The following DNAH11 variants were observed in gnomAD, a reference collection of about 807,000 sequenced individuals.
DNAH11 encodes dynein axonemal heavy chain 11.
In DNAH11, 442 loss-of-function variants were observed where a neutral mutation model predicts 526.0. The observed-to-expected ratio is 0.84, with a 90% CI of 0.78 to 0.91. The LOEUF (loss-of-function observed/expected upper bound fraction) is 0.91. DNAH11 is among the 40% of genes least tolerant of loss of function. The pLI is 0.00. For synonymous variants in DNAH11, 2,461 were observed against 1,935.9 expected (o/e 1.27, Z -7.12); for missense variants, 6,989 against 5,448.7 (o/e 1.28, Z -8.90).
intron 15 of DNAH11, 138 bp downstream of exon 15, chr7:21,600,257 C>A: frequency 2.8e-6 from 2 of 717,968 alleles, no homozygotes; most frequent in Non-Finnish European, 4.3e-6. Context: ...CCCAAGAGTT[C>A]AAGACCAGCC....
chr7:21,610,398 T>A (rs1426346833), intron 20 of DNAH11, among the ~76,000 whole-genome samples: 1 of 152,206 alleles, frequency 6.6e-6, no homozygotes, highest in Non-Finnish European at 1.5e-5. Flanking sequence ...TACAAGTATC[T>A]TCCTAGTAAC....
At chr7:21,632,316 C>T (rs189732941) in intron 25 of DNAH11, among the ~76,000 whole-genome samples, 126 of 152,344 alleles carry the variant, frequency 8.3e-4, no homozygotes, top group African/African-American at 2.8e-3. Flanking sequence ...TCCCCATTGC[C>T]TTGGAGATTA....
chr7:21,770,810 A>G (rs1787406337), intron 55 of DNAH11, among the ~76,000 whole-genome samples: 1 of 152,192 alleles, frequency 6.6e-6, no homozygotes. Flanking sequence ...AATCTAGCCC[A>G]GGTCCTAGGA....
rs772012052 is a variant in DNAH11 at position 21,681,530 on chromosome 7, A to C, written c.5329-16A>C. 3.1e-6 allele frequency: 5 copies of C among 1,611,408 alleles called. No homozygotes were observed. Among genetic ancestry groups the C allele is most frequent in the South Asian group, 1.1e-5 (1 of 90,584 alleles). On this transcript the variant is annotated splice_polypyrimidine_tract_variant and intron_variant, in intron 30 of 81. Coordinates refer to ENST00000409508, the MANE Select transcript of DNAH11 (RefSeq NM_001277115.2). ...TTGTAACCCTTCTCTCCTTTTTAAAAAATGATTCCTTCTAGATTTCTCAGC... is the reference window on the plus strand; with the variant it reads ...TTGTAACCCTTCTCTCCTTTTTAAACAATGATTCCTTCTAGATTTCTCAGC...
At chr7:21,698,564 C>A (rs77387627) in intron 36 of DNAH11, among the ~76,000 whole-genome samples, 14 of 152,082 alleles carry the variant, frequency 9.2e-5, no homozygotes, top group Non-Finnish European at 1.8e-4. Flanking sequence ...TGAGAACATA[C>A]GATATTTGGC....
chr7:21,668,087 C>A (rs1782490661), intron 30 of DNAH11, among the ~76,000 whole-genome samples: 1 of 152,202 alleles, frequency 6.6e-6, no homozygotes, highest in African/African-American at 2.4e-5. Context: ...AAAAACCACA[C>A]AAAGATAAAA....
At chr7:21,742,950 C>T (rs1265194875) in intron 49 of DNAH11, among the ~76,000 whole-genome samples, 1 of 152,218 alleles carries the variant, frequency 6.6e-6, no homozygotes, top group African/African-American at 2.4e-5. Context: ...GGCCTGGTCT[C>T]TGCTTCCAAA....
At chr7:21,573,990 C>G (rs117369374) in intron 8 of DNAH11, among the ~76,000 whole-genome samples, 1 of 152,084 alleles carries the variant, frequency 6.6e-6, no homozygotes, top group Non-Finnish European at 1.5e-5. Flanking sequence ...ATTGGCGTAC[C>G]GAAAGGTTTG....
intron 65 of DNAH11, among the ~76,000 whole-genome samples, chr7:21,828,735 T>C (rs59018856): frequency 0.15 from 22,451 of 149,938 alleles, 1,891 homozygotes; most frequent in East Asian, 0.31. Context: ...AATCTACTTA[T>C]GACTTTTTTT....
chr7:21,689,005 C>G (rs1021155587), intron 34 of DNAH11, among the ~76,000 whole-genome samples: 2 of 152,196 alleles, frequency 1.3e-5, no homozygotes, highest in African/African-American at 4.8e-5. Flanking sequence ...GCCTCTTGGA[C>G]TGTTTACCTG....
At position 21,588,095 on chromosome 7, in the gene DNAH11, A is replaced by G; in HGVS notation, c.1742A>G (p.Lys581Arg). The G allele has an allele frequency of 6.2e-7, 1 of 1,613,462 alleles. No homozygotes were observed. The highest frequency in any genetic ancestry group is 2.2e-5 in the East Asian group (1 of 44,814). The part of the protein sequence containing the change: ...LLTIFGNFLE[K>R]PVVMEIFSLH... ...ACCATATTTGGAAATTTTCTAGAGA[A>G]GCCAGTTGTCATGGAAATTTTCAGC... Residue 581 changes from lysine to arginine, a missense_variant, in exon 10 of 82, where the codon AAG becomes AGG. Lys to Arg is a conservative substitution (Grantham distance 26). Transcript: ENST00000409508.
chr7:21,637,699 C>A lies in DNAH11; in HGVS notation c.4814C>A (p.Ser1605Tyr). Reference sequence around the variant, plus strand: ...TATGAAAAACTTAAAGATTTACAGTCCAGGTAAGAATAAAGCTATATAAGA... The same window carrying A: ...TATGAAAAACTTAAAGATTTACAGTACAGGTAAGAATAAAGCTATATAAGA... ...NLYEKLKDLQSRLSLCEKALA... is the reference protein window; with the variant it reads ...NLYEKLKDLQYRLSLCEKALA... The change falls in exon 27 of 82, where the codon TCC becomes TAC. Residue 1605 changes from serine (S) to tyrosine (Y), a missense_variant. Coordinates refer to ENST00000409508, the MANE Select transcript of DNAH11 (RefSeq NM_001277115.2). 1 of 1,543,572 alleles carries A rather than the reference C, an allele frequency of 6.5e-7. No individual in the cohort carries two copies. The highest frequency in any genetic ancestry group is 8.8e-7 in the Non-Finnish European group (1 of 1,140,426).
intron 70 of DNAH11, among the ~76,000 whole-genome samples, chr7:21,866,060 C>T (rs550004058): frequency 5.1e-4 from 77 of 152,258 alleles, no homozygotes; most frequent in South Asian, 1.5e-3. Flanking sequence ...GTATCTTGTG[C>T]CAACTTCCTA....
intron 28 of DNAH11, among the ~76,000 whole-genome samples, chr7:21,647,463 T>A (rs1229481060): frequency 7.0e-6 from 1 of 143,476 alleles, no homozygotes; most frequent in Non-Finnish European, 1.5e-5. Flanking sequence ...AGAGTCTTAC[T>A]CTATTGCCCA....
intron 30 of DNAH11, among the ~76,000 whole-genome samples, chr7:21,669,669 G>C (rs577856418): frequency 1.5e-3 from 224 of 151,712 alleles, no homozygotes; most frequent in African/African-American, 5.3e-3. Flanking sequence ...GTGTGTGTGT[G>C]TGTGTGTGTA....
In DNAH11 at chr7:21,606,615, CT is replaced by C. The variant is rs372802563; in HGVS notation, c.3766-12del. The stretch of plus-strand genomic sequence containing the variant: ...AATTGAAGTATTTGTTTGAAATTCA[CT>C]TTTTTTTTTTTTTTTTTTTGCAATG... On this transcript the variant is annotated intron_variant, in intron 19 of 81. Coordinates refer to ENST00000409508, the MANE Select transcript of DNAH11 (RefSeq NM_001277115.2). 0.084 allele frequency: 97,328 copies of C among 1,161,734 alleles called. 3 individuals carry two copies. The highest frequency in any genetic ancestry group is 0.11 in the Middle Eastern group (526 of 4,618). 72.0% of individuals were successfully genotyped at this position (1,161,734 alleles called of 1,614,324 possible).
chr7:21,607,558 G>C (rs147208589), intron 20 of DNAH11, among the ~76,000 whole-genome samples: 64 of 152,178 alleles, frequency 4.2e-4, no homozygotes, highest in African/African-American at 1.5e-3. Flanking sequence ...ATTTTGTTAA[G>C]CATATGACTT....
Position 21,707,748 on chromosome 7 carries a change from T to C in DNAH11, c.6596T>C (p.Val2199Ala). ...TATGTTAACATGAAACAGAAGCCGG[T>C]TTGGAATGACTTAAACCCTAAAGCT... ...RTYVNMKQKPVWNDLNPKAVT... is the reference protein window; with the variant it reads ...RTYVNMKQKPAWNDLNPKAVT... The change falls in exon 40 of 82, where the codon GTT (valine) becomes GCT (alanine). Residue 2199 changes from valine to alanine, a missense_variant. Val to Ala is a moderately conservative substitution (Grantham distance 64, BLOSUM62 0). Coordinates refer to ENST00000409508, the MANE Select transcript of DNAH11 (RefSeq NM_001277115.2). 6.2e-7 allele frequency: 1 copy of C among 1,613,456 alleles called. No homozygotes were observed. The highest frequency in any genetic ancestry group is 1.1e-5 in the South Asian group (1 of 90,998).
chr7:21,595,365 A>G (rs763783486), intron 14 of DNAH11, among the ~76,000 whole-genome samples: 1 of 152,254 alleles, frequency 6.6e-6, no homozygotes, highest in Non-Finnish European at 1.5e-5. Flanking sequence ...GGACATAAGC[A>G]TTCAGACAGT....
Sources: allele counts gnomAD v4.1 joint callset (sites outside exome capture counted in the v4.1 genomes callset), GRCh38; gene constraint gnomAD v4.1.1; transcripts MANE v1.5; gene names NCBI Gene and HGNC (gene_info 2026-07-23, HGNC 2026-07-21).